The following EFCAB13 variants were observed in gnomAD, a reference collection of about 807,000 sequenced individuals.
EFCAB13 encodes the protein EF-hand calcium-binding domain-containing protein 13.
Under a neutral mutation model 110.2 loss-of-function variants are expected in EFCAB13, and 91 were observed. The ratio of observed to expected loss-of-function variants is 0.83; its 90% CI spans 0.70 to 0.98. The LOEUF is 0.98. EFCAB13 is among the 50% of genes least tolerant of loss of function. EFCAB13 has a pLI of 0.00. For missense variants in EFCAB13, 968 were observed against 1,119.4 expected (o/e 0.86, Z 1.93); for synonymous variants, 323 against 369.9 (o/e 0.87, Z 1.45).
Position 47,429,953 on chromosome 17 carries a change from C to A in EFCAB13, c.2630C>A (p.Pro877His). The change falls in exon 24 of 25, where the codon CCT becomes CAT. Residue 877 changes from proline (P) to histidine (H), a missense_variant. Transcript: ENST00000331493. ...CTTACTGTAATGTTAAGACATGTAC[C>A]TGAACATGGTTAGTAGTTTCAATGC... ...AILTVMLRHV[P>H]EHESGKVSIQ... The A allele has an allele frequency of 6.2e-7, 1 of 1,602,154 alleles. No individual in the cohort carries two copies. Among genetic ancestry groups the A allele is most frequent in the Non-Finnish European group, 8.5e-7 (1 of 1,172,808 alleles).
chr17:47,328,409 G>T (rs2065300345), intron 4 of EFCAB13, 26 bp downstream of exon 4: 2 of 1,527,816 alleles, frequency 1.3e-6, no homozygotes, highest in Non-Finnish European at 1.8e-6. Context: ...AGTTTCTAAA[G>T]ATTTCTTCTT....
At chr17:47,335,167 T>C (rs772781341) in intron 4 of EFCAB13, 29 bp from the exon 5 acceptor site, 4 of 1,563,930 alleles carry the variant, frequency 2.6e-6, no homozygotes, top group Admixed American at 4.1e-5. Flanking sequence ...AAAGAGGACA[T>C]GCTTGATTGT....
chr17:47,326,850 A>G (rs1173905187), intron 3 of EFCAB13, among the ~76,000 whole-genome samples: 2 of 152,222 alleles, frequency 1.3e-5, no homozygotes, highest in Non-Finnish European at 2.9e-5. Context: ...AATGTTGGAC[A>G]TATCACATTG....
Position 47,419,961 on chromosome 17 carries a change from C to T in EFCAB13, c.2494+5042C>T, listed in dbSNP as rs541752998. Among the ~76,000 whole-genome samples the T allele has an allele frequency of 1.5e-3, 231 of 152,094 alleles. 1 individual carries two copies. The highest frequency in any genetic ancestry group is 5.3e-3 in the African/African-American group (218 of 41,492). On this transcript the variant is annotated intron_variant, in intron 23 of 24. Coordinates refer to ENST00000331493, the MANE Select transcript of EFCAB13 (RefSeq NM_152347.5). The stretch of plus-strand genomic sequence containing the variant: ...CTCCCTCCCTCTCCCCACGGTCTCC[C>T]TCTCCCTCTCTTTCCACGGTCTCCC...
At chr17:47,403,799 T>C in intron 18 of EFCAB13, 79 bp from the exon 19 acceptor site, 1 of 1,349,096 alleles carries the variant, frequency 7.4e-7, no homozygotes. Context: ...GATACAATAA[T>C]AAACTATGGA....
intron 15 of EFCAB13, among the ~76,000 whole-genome samples, chr17:47,391,994 G>C (rs1461575272): frequency 6.6e-6 from 1 of 152,076 alleles, no homozygotes; most frequent in African/African-American, 2.4e-5. Flanking sequence ...CCATTTTTGA[G>C]TATCTGTGCC....
intron 18 of EFCAB13, 55 bp downstream of exon 18, chr17:47,402,258 T>C: frequency 1.3e-6 from 2 of 1,501,872 alleles, no homozygotes; most frequent in Non-Finnish European, 1.8e-6. Flanking sequence ...AAGGACTTGC[T>C]TTTGTTTTTG....
At chr17:47,397,656 A>AC (rs1365213677) in intron 17 of EFCAB13, among the ~76,000 whole-genome samples, 1 of 123,436 alleles carries the variant, frequency 8.1e-6, no homozygotes, top group African/African-American at 3.2e-5. Context: ...GAGAGCCTCT[A>AC]CCCCGCCGCC....
intron 14 of EFCAB13, among the ~76,000 whole-genome samples, chr17:47,381,899 A>G (rs896946968): frequency 1.2e-4 from 18 of 152,234 alleles, no homozygotes; most frequent in African/African-American, 4.1e-4. Flanking sequence ...GAAGAAAGTC[A>G]ATGGTAGCTT....
chr17:47,381,990 A>G (rs1316244919), intron 14 of EFCAB13, among the ~76,000 whole-genome samples: 1 of 152,182 alleles, frequency 6.6e-6, no homozygotes, highest in East Asian at 1.9e-4. Context: ...ATCCATGAAC[A>G]TGGAATTTTT....
At chr17:47,328,198 CA>C in intron 3 of EFCAB13, 70 bp from the exon 4 acceptor site, 2 of 728,132 alleles carry the variant, frequency 2.7e-6, no homozygotes, top group Admixed American at 2.2e-5. Context: ...GAGATAACTT[CA>C]GGTAGGTAAA....
At chr17:47,344,934 C>A in intron 7 of EFCAB13, 82 bp from the exon 8 acceptor site, 1 of 1,015,710 alleles carries the variant, frequency 9.8e-7, no homozygotes, top group Non-Finnish European at 1.5e-6. Context: ...GAATCTCAGA[C>A]TATTGGTAAG....
chr17:47,407,707 G>A (rs1377563871), intron 20 of EFCAB13, among the ~76,000 whole-genome samples: 1 of 152,116 alleles, frequency 6.6e-6, no homozygotes, highest in Admixed American at 6.5e-5. Context: ...ACAACCAGCA[G>A]CTTGTATAAA....
chr17:47,364,890 T>G lies in EFCAB13; in HGVS notation c.805+3369T>G, dbSNP rs546645917. Among the ~76,000 whole-genome samples the G allele has an allele frequency of 2.0e-5, 3 of 152,360 alleles. No homozygotes were observed. In the East Asian group the frequency reaches 5.8e-4, roughly 29 times the overall value. On this transcript the variant is annotated intron_variant, in intron 10 of 24. Transcript: ENST00000331493. ...CATATTCTTCCTTGCTCTCTGTGCC[T>G]TCTTAGAGTTTCAACTATATACCAT...
intron 9 of EFCAB13, among the ~76,000 whole-genome samples, chr17:47,351,301 G>A (rs1238916569): frequency 4.0e-5 from 4 of 100,960 alleles, no homozygotes; most frequent in Admixed American, 1.1e-4. Context: ...GTGTGTGTGT[G>A]TGTGCGCGCG....
chr17:47,395,884 AGTGT>A lies in EFCAB13; in HGVS notation c.1853_1856del (p.Ser618IlefsTer11). On this transcript the variant is annotated frameshift_variant, in exon 17 of 25. Coordinates refer to ENST00000331493, the MANE Select transcript of EFCAB13 (RefSeq NM_152347.5). LOFTEE classifies it high-confidence loss of function. ...CGACGATCTCAGAAAGGAGACGATG[AGTGT>A]TTCTGACCTGTGGAATACTCTGTCT... 1.2e-6 allele frequency: 2 copies of A among 1,610,638 alleles called. No individual in the cohort carries two copies. Among genetic ancestry groups the A allele is most frequent in the Non-Finnish European group, 1.7e-6 (2 of 1,177,648 alleles).
chr17:47,375,557 A>G (rs1388567110), intron 12 of EFCAB13, among the ~76,000 whole-genome samples: 1 of 152,016 alleles, frequency 6.6e-6, no homozygotes, highest in Non-Finnish European at 1.5e-5. Context: ...TGGCCTCCCA[A>G]GGATCTGCGA....
At chr17:47,337,374 G>A (rs2065357375) in intron 5 of EFCAB13, among the ~76,000 whole-genome samples, 1 of 152,164 alleles carries the variant, frequency 6.6e-6, no homozygotes, top group Non-Finnish European at 1.5e-5. Context: ...AAATGTAGGA[G>A]GAGGGGTGAG....
At chr17:47,420,296 A>G (rs1904605919) in intron 23 of EFCAB13, among the ~76,000 whole-genome samples, 1 of 152,218 alleles carries the variant, frequency 6.6e-6, no homozygotes, top group Admixed American at 6.5e-5. Context: ...TCGGCTCGCT[A>G]CAACCTCCAC....
Sources: allele counts gnomAD v4.1 joint callset (sites outside exome capture counted in the v4.1 genomes callset), GRCh38; gene constraint gnomAD v4.1.1; transcripts MANE v1.5; gene names NCBI Gene and HGNC (gene_info 2026-07-23, HGNC 2026-07-21).